The following CNTNAP4 variants were observed in gnomAD, a reference collection of about 807,000 sequenced individuals.
CNTNAP4 encodes contactin-associated protein-like 4.
CNTNAP4 carries 98 observed loss-of-function variants against 148.4 expected under a neutral mutation model. That is an observed-to-expected ratio of 0.66 (90% confidence interval 0.56 to 0.78). The LOEUF is 0.78. CNTNAP4 is among the 30% of genes least tolerant of loss of function. The pLI, the probability that CNTNAP4 is intolerant of heterozygous loss-of-function variation, is 0.00. For synonymous variants in CNTNAP4, 730 were observed against 565.1 expected (o/e 1.29, Z -4.14); for missense variants, 1,935 against 1,565.6 (o/e 1.24, Z -3.98).
intron 17 of CNTNAP4, among the ~76,000 whole-genome samples, chr16:76,533,541 T>G (rs560876990): frequency 4.6e-5 from 7 of 152,310 alleles, no homozygotes; most frequent in Admixed American, 1.3e-4. Context: ...ACTACTCTGA[T>G]CTGATCACTA....
rs144680529 is a variant in CNTNAP4 at position 76,459,396 on chromosome 16, G to A, written c.1334-2560G>A. Among the ~76,000 whole-genome samples the A allele has an allele frequency of 3.9e-3, 595 of 152,208 alleles. 1 individual carries two copies. Among genetic ancestry groups the A allele is most frequent in the Admixed American group, 7.2e-3 (110 of 15,292 alleles). ...ACATTCTTCCCATTCCAGTTTTCAG[G>A]CCTTTCCTATTATCTTACACAAACC... On this transcript the variant is annotated intron_variant, in intron 8 of 23. Coordinates refer to ENST00000611870, the MANE Select transcript of CNTNAP4 (RefSeq NM_033401.5).
At chr16:76,320,525 A>G (rs927267268) in intron 2 of CNTNAP4, among the ~76,000 whole-genome samples, 41 of 152,216 alleles carry the variant, frequency 2.7e-4, no homozygotes, top group African/African-American at 8.7e-4. Flanking sequence ...CTTGAATCCA[A>G]TCAACCATCC....
chr16:76,285,241 A>G (rs1958833797), intron 1 of CNTNAP4, among the ~76,000 whole-genome samples: 1 of 152,050 alleles, frequency 6.6e-6, no homozygotes, highest in Admixed American at 6.6e-5. Context: ...GGAAAATAGC[A>G]TAACAGCAGG....
At chr16:76,536,311 TC>T (rs2084210053) in intron 18 of CNTNAP4, among the ~76,000 whole-genome samples, 2 of 152,114 alleles carry the variant, frequency 1.3e-5, no homozygotes, top group Non-Finnish European at 2.9e-5. Flanking sequence ...TTCTCCTGCC[TC>T]CGCCTCCCGA....
chr16:76,521,424 G>T lies in CNTNAP4; in HGVS notation c.2536+114G>T, dbSNP rs773277324. ...TTTATCATCTGATTCTTTTCATTGC[G>T]CCCCTTTGAAAAACTCAATAATATT... is the stretch of plus-strand genomic sequence containing the variant. On this transcript the variant is annotated intron_variant, in intron 16 of 23. Coordinates refer to ENST00000611870, the MANE Select transcript of CNTNAP4 (RefSeq NM_033401.5). 9.7e-6 allele frequency: 8 copies of T among 821,036 alleles called. No individual in the cohort carries two copies. The South Asian group carries it at 1.3e-4, about 14-fold the overall frequency. 50.9% of individuals were successfully genotyped at this position (821,036 alleles called of 1,614,324 possible). A position where few individuals can be genotyped will look rare whatever the true frequency, so the allele number is the denominator to read the frequency against.
intron 3 of CNTNAP4, among the ~76,000 whole-genome samples, chr16:76,380,438 A>G (rs2015853737): frequency 6.6e-6 from 1 of 152,202 alleles, no homozygotes; most frequent in Non-Finnish European, 1.5e-5. Flanking sequence ...TCAGATTCCA[A>G]GATTACTTTG....
At chr16:76,431,177 A>G (rs1160231020) in intron 4 of CNTNAP4, among the ~76,000 whole-genome samples, 1 of 152,204 alleles carries the variant, frequency 6.6e-6, no homozygotes, top group African/African-American at 2.4e-5. Flanking sequence ...GGAGACTGAA[A>G]GGATGGTCCA....
intron 21 of CNTNAP4, among the ~76,000 whole-genome samples, chr16:76,552,382 G>C (rs1419369664): frequency 6.6e-6 from 1 of 152,130 alleles, no homozygotes; most frequent in Non-Finnish European, 1.5e-5. Context: ...TGGGTGGATG[G>C]ATGCATTGTA....
chr16:76,295,776 A>G (rs1959229521), intron 1 of CNTNAP4, among the ~76,000 whole-genome samples: 1 of 152,140 alleles, frequency 6.6e-6, no homozygotes, highest in Non-Finnish European at 1.5e-5. Flanking sequence ...CAAAGGATGT[A>G]CTATGCTTTT....
intron 3 of CNTNAP4, among the ~76,000 whole-genome samples, chr16:76,366,014 T>C (rs2014079548): frequency 6.6e-6 from 1 of 152,186 alleles, no homozygotes; most frequent in South Asian, 2.1e-4. Flanking sequence ...AAGCTACTCT[T>C]GTTGATCCTG....
At chr16:76,478,198 C>T (rs1302456417) in intron 11 of CNTNAP4, among the ~76,000 whole-genome samples, 4 of 152,182 alleles carry the variant, frequency 2.6e-5, no homozygotes, top group African/African-American at 9.7e-5. Context: ...TCCGAGTAGT[C>T]TCATCCAATC....
At chr16:76,458,752 A>T (rs1331724556) in intron 8 of CNTNAP4, among the ~76,000 whole-genome samples, 1 of 152,178 alleles carries the variant, frequency 6.6e-6, no homozygotes, top group Non-Finnish European at 1.5e-5. Flanking sequence ...CTAACAGGCC[A>T]CAGACCTGGT....
chr16:76,525,106 A>G (rs4313828), intron 17 of CNTNAP4, among the ~76,000 whole-genome samples: 30,685 of 152,108 alleles, frequency 0.2, 3,230 homozygotes, highest in African/African-American at 0.23. Flanking sequence ...TCAAGCTGAT[A>G]AAACAGTGCT....
At chr16:76,415,961 T>A (rs2078965125) in intron 3 of CNTNAP4, among the ~76,000 whole-genome samples, 1 of 150,650 alleles carries the variant, frequency 6.6e-6, no homozygotes, top group Admixed American at 6.7e-5. Context: ...CTTATTTTTG[T>A]CAATTATTCA....
intron 2 of CNTNAP4, among the ~76,000 whole-genome samples, chr16:76,334,187 T>C (rs544671388): frequency 0.013 from 1,900 of 151,252 alleles, 54 homozygotes; most frequent in African/African-American, 0.044. Flanking sequence ...ATAATAATAA[T>C]AATAATAATA....
chr16:76,423,509 A>T (rs1331913165), intron 3 of CNTNAP4, among the ~76,000 whole-genome samples: 1 of 152,212 alleles, frequency 6.6e-6, no homozygotes. Flanking sequence ...TTTTTGAAAA[A>T]AGATAAAGAG....
chr16:76,331,697 C>G (rs1308726355), intron 2 of CNTNAP4, among the ~76,000 whole-genome samples: 1 of 152,100 alleles, frequency 6.6e-6, no homozygotes, highest in Non-Finnish European at 1.5e-5. Context: ...AACATAGACA[C>G]ATAGTTATAA....
At chr16:76,393,044 AT>A in intron 3 of CNTNAP4, among the ~76,000 whole-genome samples, 1 of 152,338 alleles carries the variant, frequency 6.6e-6, no homozygotes. Flanking sequence ...AATTGTCTAA[AT>A]TGTATTCTGA....
At chr16:76,408,361 AAC>A (rs981155660) in intron 3 of CNTNAP4, among the ~76,000 whole-genome samples, 7 of 141,940 alleles carry the variant, frequency 4.9e-5, no homozygotes, top group Admixed American at 4.1e-4. Flanking sequence ...CTTAACAATT[AAC>A]AGTTGTTAAT....
Sources: gnomAD v4.1 joint callset for allele counts (sites outside exome capture counted in the v4.1 genomes callset) on GRCh38, gnomAD v4.1.1 for gene constraint, MANE v1.5 for transcripts, NCBI Gene and HGNC (gene_info 2026-07-23, HGNC 2026-07-21) for gene names.